Variants in SDK1 observed in about 807,000 individuals in gnomAD.
SDK1 encodes the protein sidekick cell adhesion molecule 1, also known as protein sidekick-1.
SDK1 carries 157 observed loss-of-function variants against 245.5 expected under a neutral mutation model. The ratio of observed to expected loss-of-function variants is 0.64; its 90% CI spans 0.56 to 0.73. The LOEUF (loss-of-function observed/expected upper bound fraction) is 0.73, where lower values mean the gene tolerates loss of function less well. SDK1 is among the 30% of genes least tolerant of loss of function. The probability of loss-of-function intolerance (pLI) is 0.00; values close to 1 mark genes in which losing one functional copy is unlikely to be tolerated. For missense variants in SDK1, 3,583 were observed against 3,002.3 expected, an observed-to-expected ratio of 1.19 and a Z score of -4.52; for synonymous variants, 1,647 against 1,278.5, an observed-to-expected ratio of 1.29 and a Z score of -6.15.
Position 4,102,887 on chromosome 7 carries a change from A to T in SDK1, c.3325-7776A>T, listed in dbSNP as rs778156912. On this transcript the variant is annotated intron_variant, in intron 22 of 44. Transcript: ENST00000404826. ...GACCGCCCCTACCGGGTGGCATTTG[A>T]AATAGATGCCATTTCTGCCTTTGTC... 3.3e-4 allele frequency among the ~76,000 whole-genome samples: 50 copies of T among 151,610 alleles called. 2 individuals carry two copies. The highest frequency in any genetic ancestry group is 2.1e-4 in the South Asian group (1 of 4,774).
intron 5 of SDK1, among the ~76,000 whole-genome samples, chr7:3,881,812 G>A (rs1191824617): frequency 1.3e-5 from 2 of 152,102 alleles, no homozygotes; most frequent in South Asian, 2.1e-4. Context: ...CTTTTAAAAT[G>A]CATTAGATTT....
rs113524908 is a variant in SDK1 at position 3,751,289 on chromosome 7, A to G, written c.714-70161A>G. Among the ~76,000 whole-genome samples, 1,360 of 152,296 alleles carry G rather than the reference A, an allele frequency of 8.9e-3. 25 individuals carry two copies. The highest frequency in any genetic ancestry group is 0.03 in the African/African-American group (1,257 of 41,550). ...CAAGGTATCAAATAAGAGAGCTAATAAACTAGGATGATGCCCCTCTTTACT... is the reference window on the plus strand; with the variant it reads ...CAAGGTATCAAATAAGAGAGCTAATGAACTAGGATGATGCCCCTCTTTACT... On this transcript the variant is annotated intron_variant, in intron 4 of 44. Coordinates refer to ENST00000404826, the MANE Select transcript of SDK1 (RefSeq NM_152744.4).
At chr7:4,182,776 G>A (rs1782671884) in intron 35 of SDK1, among the ~76,000 whole-genome samples, 1 of 152,162 alleles carries the variant, frequency 6.6e-6, no homozygotes, top group Admixed American at 6.5e-5. Context: ...AGCTGGTGAG[G>A]GTGCACAGGC....
chr7:3,454,053 T>C (rs1367469953), intron 1 of SDK1, among the ~76,000 whole-genome samples: 7 of 152,228 alleles, frequency 4.6e-5, no homozygotes, highest in Non-Finnish European at 8.8e-5. Context: ...TCATTTTCAT[T>C]AAAAGGCTAA....
chr7:4,134,363 G>A (rs930032427), intron 28 of SDK1, among the ~76,000 whole-genome samples: 5 of 152,164 alleles, frequency 3.3e-5, no homozygotes, highest in Non-Finnish European at 7.3e-5. Flanking sequence ...GGCGGAGAGG[G>A]AGCTATGAGC....
At chr7:3,818,130 A>G (rs1486060791) in intron 4 of SDK1, among the ~76,000 whole-genome samples, 3 of 152,202 alleles carry the variant, frequency 2.0e-5, no homozygotes, top group African/African-American at 4.8e-5. Flanking sequence ...AGTTAAAATG[A>G]TGAGGTTTCA....
chr7:3,700,869 G>A (rs569480539), intron 4 of SDK1, among the ~76,000 whole-genome samples: 1 of 151,872 alleles, frequency 6.6e-6, no homozygotes, highest in African/African-American at 2.4e-5. Flanking sequence ...TTTTTGGTGT[G>A]CTTCCGTCAG....
At chr7:3,957,387 T>TA (rs1781355827) in intron 7 of SDK1, among the ~76,000 whole-genome samples, 1 of 152,196 alleles carries the variant, frequency 6.6e-6, no homozygotes, top group Non-Finnish European at 1.5e-5. Flanking sequence ...TGCAAGATGT[T>TA]ACCATTGCGG....
Position 4,237,651 on chromosome 7 carries a change from A to G in SDK1, c.5997A>G (p.Gln1999=), listed in dbSNP as rs1254037032. The change falls in exon 42 of 45, where the codon CAA becomes CAG. Residue 1999 remains glutamine (Q), a synonymous_variant. Transcript: ENST00000404826. ...PSNPSTAVSA[Q]VEAPFYEEWW... ...GTGTCCGTGTCTTTTCCACAGCTCA[A>G]GTGGAAGCCCCATTCTACGAGGAGT... 1.9e-6 allele frequency: 3 copies of G among 1,614,160 alleles called. No homozygotes were observed. The highest frequency in any genetic ancestry group is 2.5e-6 in the Non-Finnish European group (3 of 1,180,022).
rs186548740 is a variant in SDK1, at chr7:3,996,449, T to C, written c.2131+9127T>C. Among the ~76,000 whole-genome samples the C allele has an allele frequency of 2.6e-5, 4 of 152,322 alleles. No individual in the cohort carries two copies. In the East Asian group the frequency reaches 7.7e-4, roughly 29 times the overall value. The stretch of plus-strand genomic sequence containing the variant: ...TTTTAATCATGTTAAACCTATAAAT[T>C]GTTTTATGAGAAGTGACTTCTTAGT... On this transcript the variant is annotated intron_variant, in intron 14 of 44. Coordinates refer to ENST00000404826, the MANE Select transcript of SDK1 (RefSeq NM_152744.4).
intron 1 of SDK1, among the ~76,000 whole-genome samples, chr7:3,498,745 T>C (rs201218766): frequency 1.4e-4 from 21 of 151,648 alleles, no homozygotes; most frequent in East Asian, 1.4e-3. Flanking sequence ...TTTTTTTTTT[T>C]CCCCTTTACT....
At chr7:3,366,444 C>T (rs1403726230) in intron 1 of SDK1, among the ~76,000 whole-genome samples, 2 of 151,930 alleles carry the variant, frequency 1.3e-5, no homozygotes, top group Non-Finnish European at 2.9e-5. Flanking sequence ...ACATTAAGTA[C>T]TGGGTAATTT....
At chr7:3,870,147 A>G (rs1434250201) in intron 5 of SDK1, among the ~76,000 whole-genome samples, 1 of 152,254 alleles carries the variant, frequency 6.6e-6, no homozygotes, top group African/African-American at 2.4e-5. Context: ...AAGTTTATGT[A>G]AAGCTATATA....
At chr7:3,506,355 C>G (rs912626101) in intron 1 of SDK1, among the ~76,000 whole-genome samples, 1 of 152,170 alleles carries the variant, frequency 6.6e-6, no homozygotes, top group South Asian at 2.1e-4. Context: ...ATCACTCTTA[C>G]CTATTCCCTG....
chr7:3,974,912 A>T (rs991178719), intron 13 of SDK1, among the ~76,000 whole-genome samples: 1 of 152,070 alleles, frequency 6.6e-6, no homozygotes, highest in Non-Finnish European at 1.5e-5. Flanking sequence ...AGTCCATGAG[A>T]GATGCTGGAG....
chr7:3,493,519 T>A (rs937796648), intron 1 of SDK1, among the ~76,000 whole-genome samples: 1 of 152,204 alleles, frequency 6.6e-6, no homozygotes, highest in Non-Finnish European at 1.5e-5. Flanking sequence ...TTACATATAT[T>A]TACTAGGAAG....
intron 1 of SDK1, among the ~76,000 whole-genome samples, chr7:3,350,158 A>C (rs1470803939): frequency 1.3e-5 from 2 of 152,176 alleles, no homozygotes; most frequent in Non-Finnish European, 2.9e-5. Context: ...ATCAGTATAT[A>C]ATGGATCACA....
chr7:3,977,822 G>T (rs907922624), intron 13 of SDK1, among the ~76,000 whole-genome samples: 2 of 152,224 alleles, frequency 1.3e-5, no homozygotes, highest in South Asian at 4.1e-4. Context: ...TTGTATAACC[G>T]TTGTTCAATA....
intron 1 of SDK1, among the ~76,000 whole-genome samples, chr7:3,540,512 C>CAG: frequency 6.6e-6 from 1 of 151,986 alleles, no homozygotes; most frequent in South Asian, 2.1e-4. Flanking sequence ...GTTAAAGAAC[C>CAG]AGAGAGAGAA....
Sources: gnomAD v4.1 joint callset for allele counts (sites outside exome capture counted in the v4.1 genomes callset) on GRCh38, gnomAD v4.1.1 for gene constraint, MANE v1.5 for transcripts, NCBI Gene and HGNC (gene_info 2026-07-23, HGNC 2026-07-21) for gene names.